The following SEC62 variants were observed in gnomAD, a reference collection of about 807,000 sequenced individuals.
SEC62 encodes the protein SEC62 preprotein translocation factor.
SEC62 carries 10 observed loss-of-function variants against 47.5 expected under a neutral mutation model. The observed-to-expected ratio is 0.21, with a 90% CI of 0.13 to 0.36. The LOEUF (loss-of-function observed/expected upper bound fraction) is 0.36. SEC62 is among the 10% of genes least tolerant of loss of function. SEC62 has a pLI of 1.00. For missense variants in SEC62, 327 were observed against 464.1 expected, an observed-to-expected ratio of 0.70 and a Z score of 2.71; for synonymous variants, 136 against 150.5, an observed-to-expected ratio of 0.90 and a Z score of 0.71.
chr3:169,975,097 G>A (rs1213588738), intron 1 of SEC62, among the ~76,000 whole-genome samples: 3 of 151,908 alleles, frequency 2.0e-5, no homozygotes, highest in African/African-American at 7.3e-5. Context: ...CCTAGCCAAC[G>A]TGGCGAAACC....
At chr3:169,969,428 T>G (rs1383815552) in intron 1 of SEC62, 3 of 447,654 alleles carry the variant, frequency 6.7e-6, no homozygotes, top group Admixed American at 2.4e-5. Context: ...AGATTAACAA[T>G]GTGCTGCTGC....
At chr3:169,990,398 G>A (rs1051864662) in intron 7 of SEC62, among the ~76,000 whole-genome samples, 8 of 151,610 alleles carry the variant, frequency 5.3e-5, no homozygotes, top group South Asian at 2.1e-4. Flanking sequence ...AAAATCTGTC[G>A]CTTTTAGCAT....
Position 169,982,847 on chromosome 3 carries a change from AGGATGAGAAGAC to A in SEC62, c.393_404del (p.Asp132_Thr135del). 6.4e-7 allele frequency: 1 copy of A among 1,570,002 alleles called. No homozygotes were observed. Among genetic ancestry groups the A allele is most frequent in the South Asian group, 1.2e-5 (1 of 82,830 alleles). ...AAAAAGAGCAAGAAAGAAAATATAAAGGATGAGAAGACAAAAAAAGAAAAAGAGAAAAAAAAA... is the reference window on the plus strand; with the variant it reads ...AAAAAGAGCAAGAAAGAAAATATAAAAAAAAAAGAAAAAGAGAAAAAAAAA... On this transcript the variant is annotated inframe_deletion, in exon 4 of 8. Coordinates refer to ENST00000337002, the MANE Select transcript of SEC62 (RefSeq NM_003262.4).
intron 1 of SEC62, 70 bp downstream of exon 1, chr3:169,966,928 T>C: frequency 5.4e-6 from 3 of 558,382 alleles, no homozygotes; most frequent in South Asian, 5.1e-5. Flanking sequence ...GAAAGCCCCC[T>C]AAAAGGGCGA....
chr3:169,994,993 A>G lies in SEC62; in HGVS notation c.*1930A>G, dbSNP rs538456854. On this transcript the variant is annotated 3_prime_UTR_variant, in exon 8 of 8. Transcript: ENST00000337002. The stretch of plus-strand genomic sequence containing the variant: ...CCTGGGGGGAAATATCATTCTTACT[A>G]TGGTTAGAAAGTGAATTAGAAATTT... 1.3e-5 allele frequency: 2 copies of G among 152,250 alleles called. No individual in the cohort carries two copies. Among genetic ancestry groups the G allele is most frequent in the African/African-American group, 2.4e-5 (1 of 41,552 alleles). The allele number at this position is 152,250 out of a possible 1,614,324, so 9.4% of individuals were successfully genotyped here.
chr3:169,995,693 T>TA lies in SEC62; in HGVS notation c.*2631dup, dbSNP rs1188048880. 2.0e-5 allele frequency: 3 copies of TA among 152,170 alleles called. No homozygotes were observed. Among genetic ancestry groups the TA allele is most frequent in the African/African-American group, 7.2e-5 (3 of 41,442 alleles). 9.4% of individuals were successfully genotyped at this position (152,170 alleles called of 1,614,324 possible). Reference sequence around the variant, plus strand: ...GTTGATTCTCATTATTCAAGGTAGTTACGTTCTATAAAGTCACTGCGAACA... The same window carrying TA: ...GTTGATTCTCATTATTCAAGGTAGTTAACGTTCTATAAAGTCACTGCGAACA... On this transcript the variant is annotated 3_prime_UTR_variant, in exon 8 of 8. Transcript: ENST00000337002.
Position 169,993,026 on chromosome 3 carries a change from A to T in SEC62, c.1163A>T (p.Asp388Val). 1 of 1,610,688 alleles carries T rather than the reference A, an allele frequency of 6.2e-7. No individual in the cohort carries two copies. The highest frequency in any genetic ancestry group is 8.5e-7 in the Non-Finnish European group (1 of 1,178,586). The change falls in exon 8 of 8, where the codon GAT (aspartate) becomes GTT (valine). Residue 388 changes from aspartate to valine, a missense_variant. Asp to Val is a radical substitution (Grantham distance 152). Coordinates refer to ENST00000337002, the MANE Select transcript of SEC62 (RefSeq NM_003262.4). The stretch of plus-strand genomic sequence containing the variant: ...GAAGAGGATGAGGAAGAGGAAAATG[A>T]TGGAGAAACACCTAAATCTTCACAT... Reference protein sequence around the residue: ...DCEEDEEEENDGETPKSSHEK... With the variant: ...DCEEDEEEENVGETPKSSHEK...
Position 169,992,365 on chromosome 3 carries a change from A to G in SEC62, c.731-229A>G, listed in dbSNP as rs1031815099. On this transcript the variant is annotated intron_variant, in intron 7 of 7. Coordinates refer to ENST00000337002, the MANE Select transcript of SEC62 (RefSeq NM_003262.4). This position sits in a 1 kb window ranked among gnomAD's most constrained non-coding sequence, Gnocchi z 4.0. ...TTTGTTTTCAGGCATGCAGTGGTGT[A>G]ATTATAGCTCACTGCAGCCTCGAGC... Among the ~76,000 whole-genome samples the G allele has an allele frequency of 2.6e-5, 4 of 152,304 alleles. No individual in the cohort carries two copies. The highest frequency in any genetic ancestry group is 4.1e-4 in the South Asian group (2 of 4,828).
chr3:169,991,269 C>CA (rs1715241170), intron 7 of SEC62, among the ~76,000 whole-genome samples: 1 of 152,008 alleles, frequency 6.6e-6, no homozygotes, highest in Admixed American at 6.6e-5. Flanking sequence ...ACTAATAAAA[C>CA]AAAAAGGTCA....
intron 1 of SEC62, among the ~76,000 whole-genome samples, chr3:169,972,592 T>TTG (rs1458088399): frequency 6.7e-6 from 1 of 149,472 alleles, no homozygotes; most frequent in African/African-American, 2.5e-5. Flanking sequence ...TTTTTTTTTT[T>TTG]TTTTTTTTAT....
chr3:169,990,313 A>C (rs6771751), intron 7 of SEC62, among the ~76,000 whole-genome samples: 1 of 151,712 alleles, frequency 6.6e-6, no homozygotes, highest in Non-Finnish European at 1.5e-5. Context: ...TGTATTGGTC[A>C]CAATTATATC....
chr3:169,982,740 A>G lies in SEC62; in HGVS notation c.285A>G (p.Leu95=), dbSNP rs1379373313. 6 of 1,608,436 alleles carry G rather than the reference A, an allele frequency of 3.7e-6. No homozygotes were observed. The highest frequency in any genetic ancestry group is 2.7e-5 in the African/African-American group (2 of 74,696). The change falls in exon 4 of 8, where the codon CTA becomes CTG. Residue 95 remains leucine, a synonymous_variant. Transcript: ENST00000337002. ...LLKKQFFHRA[L]KVMKMKYDKD... ...AGAAGCAGTTTTTTCACCGAGCCCT[A>G]AAAGTAATGAAAATGAAATATGATA... is the stretch of plus-strand genomic sequence containing the variant.
rs184629878 is a variant in SEC62, at chr3:169,982,556, T to C, written c.252-151T>C. On this transcript the variant is annotated intron_variant, in intron 3 of 7. Transcript: ENST00000337002. Reference sequence around the variant, plus strand: ...AAAGTGTTTTGATTTAGTGGTAGAGTTGACTACTTTTTCACGGGCATACTA... The same window carrying C: ...AAAGTGTTTTGATTTAGTGGTAGAGCTGACTACTTTTTCACGGGCATACTA... 5.9e-6 allele frequency: 5 copies of C among 846,632 alleles called. No individual in the cohort carries two copies. The African/African-American group carries it at 8.4e-5, about 14-fold the overall frequency. 52.4% of individuals were successfully genotyped at this position (846,632 alleles called of 1,614,324 possible).
intron 5 of SEC62, 111 bp from the exon 6 acceptor site, chr3:169,985,694 G>GT: frequency 4.6e-6 from 3 of 653,912 alleles, no homozygotes; most frequent in Non-Finnish European, 7.6e-6. Context: ...ATTACTTCTC[G>GT]TATGTTAAGA....
In SEC62 at chr3:169,994,983, C is replaced by T. The variant is rs1436319225; in HGVS notation, c.*1920C>T. On this transcript the variant is annotated 3_prime_UTR_variant, in exon 8 of 8. Coordinates refer to ENST00000337002, the MANE Select transcript of SEC62 (RefSeq NM_003262.4). ...TTTGGTGATCCCTGGGGGGAAATAT[C>T]ATTCTTACTATGGTTAGAAAGTGAA... is the stretch of plus-strand genomic sequence containing the variant. 2 of 152,112 alleles carry T rather than the reference C, an allele frequency of 1.3e-5. No individual in the cohort carries two copies. Among genetic ancestry groups the T allele is most frequent in the Non-Finnish European group, 2.9e-5 (2 of 67,998 alleles). 9.4% of individuals were successfully genotyped at this position (152,112 alleles called of 1,614,324 possible). A position where few individuals can be genotyped will look rare whatever the true frequency, so the allele number is the denominator to read the frequency against.
rs1255554254 is a variant in SEC62, at chr3:169,994,631, G to A, written c.*1568G>A. 6.6e-6 allele frequency: 1 copy of A among 152,036 alleles called. No homozygotes were observed. The highest frequency in any genetic ancestry group is 2.4e-5 in the African/African-American group (1 of 41,410). 9.4% of individuals were successfully genotyped at this position (152,036 alleles called of 1,614,324 possible). On this transcript the variant is annotated 3_prime_UTR_variant, in exon 8 of 8. Transcript: ENST00000337002. ...ATAAATGTTCATTGATGAAGTGCCT[G>A]GGTATTTTCCCGTCCCATTTGCAGA...
chr3:169,971,001 C>G (rs1346111967), intron 1 of SEC62, among the ~76,000 whole-genome samples: 1 of 151,702 alleles, frequency 6.6e-6, no homozygotes, highest in Non-Finnish European at 1.5e-5. Flanking sequence ...AAAGTGAAGA[C>G]TGCATGCACG....
intron 7 of SEC62, among the ~76,000 whole-genome samples, chr3:169,990,504 T>C (rs918327353): frequency 9.2e-5 from 14 of 152,172 alleles, no homozygotes; most frequent in Non-Finnish European, 1.2e-4. Context: ...CTGTAAAACA[T>C]GAACATTTTG....
At chr3:169,987,065 G>GA (rs372790350) in intron 6 of SEC62, among the ~76,000 whole-genome samples, 2,510 of 140,084 alleles carry the variant, frequency 0.018, 26 homozygotes, top group South Asian at 0.032. Context: ...TTAACAAACA[G>GA]AAAAAAAAAA....
Sources: allele counts gnomAD v4.1 joint callset (sites outside exome capture counted in the v4.1 genomes callset), GRCh38; gene constraint gnomAD v4.1.1; non-coding constraint Gnocchi (gnomAD v3.1); transcripts MANE v1.5; gene names NCBI Gene and HGNC (gene_info 2026-07-23, HGNC 2026-07-21).